The following GRIN2A variants were observed in gnomAD, a reference collection of about 807,000 sequenced individuals.
The protein encoded by GRIN2A is glutamate receptor ionotropic, NMDA 2A.
Under a neutral mutation model 113.4 loss-of-function variants are expected in GRIN2A, and 22 were observed. The observed-to-expected ratio is 0.19, with a 90% CI of 0.14 to 0.28. GRIN2A has a LOEUF of 0.28. Ranked by LOEUF, GRIN2A falls within the 10% of genes least tolerant of loss-of-function variation. The pLI, the probability that GRIN2A is intolerant of heterozygous loss-of-function variation, is 1.00. For synonymous variants in GRIN2A, 827 were observed against 738.4 expected, an observed-to-expected ratio of 1.12 and a Z score of -1.94; for missense variants, 1,502 against 1,887.0, an observed-to-expected ratio of 0.80 and a Z score of 3.78.
intron 2 of GRIN2A, chr16:10,179,598 A>G (rs892988260): frequency 4.5e-6 from 1 of 220,578 alleles, no homozygotes; most frequent in African/African-American, 2.3e-5. Context: ...CCACAAAACA[A>G]TCAGGTAAAA....
intron 8 of GRIN2A, among the ~76,000 whole-genome samples, chr16:9,832,956 T>C (rs544207584): frequency 6.6e-6 from 1 of 152,332 alleles, no homozygotes; most frequent in South Asian, 2.1e-4. Context: ...GTATTTCCAA[T>C]ATTAAAACAT....
At chr16:9,936,454 G>C (rs764237114) in intron 3 of GRIN2A, among the ~76,000 whole-genome samples, 3 of 152,048 alleles carry the variant, frequency 2.0e-5, no homozygotes, top group Non-Finnish European at 4.4e-5. Context: ...TCTAACTCCA[G>C]AGTTGAGGCC....
At chr16:10,159,062 G>A (rs74006795) in intron 2 of GRIN2A, among the ~76,000 whole-genome samples, 2 of 152,208 alleles carry the variant, frequency 1.3e-5, no homozygotes, top group East Asian at 3.9e-4. Flanking sequence ...TCAGGGCCCA[G>A]CTCTGTTACC....
intron 2 of GRIN2A, among the ~76,000 whole-genome samples, chr16:10,042,825 T>C (rs72772360): frequency 0.091 from 13,895 of 152,128 alleles, 725 homozygotes; most frequent in Non-Finnish European, 0.11. Context: ...TCTGCCACAT[T>C]TGTGTCTGTA....
chr16:9,955,808 G>A (rs557692020), intron 2 of GRIN2A, among the ~76,000 whole-genome samples: 1 of 152,154 alleles, frequency 6.6e-6, no homozygotes, highest in Non-Finnish European at 1.5e-5. Flanking sequence ...AGGCGAATGA[G>A]CTCCCTGTGT....
intron 2 of GRIN2A, among the ~76,000 whole-genome samples, chr16:10,121,974 G>GA (rs1442749712): frequency 1.3e-5 from 2 of 152,134 alleles, no homozygotes; most frequent in East Asian, 3.9e-4. Context: ...TAAAATAAAG[G>GA]AAAAGATTGC....
chr16:9,945,790 T>G (rs1418445857), intron 2 of GRIN2A, among the ~76,000 whole-genome samples: 4 of 152,166 alleles, frequency 2.6e-5, no homozygotes, highest in African/African-American at 7.2e-5. Flanking sequence ...CTTTCAGGCT[T>G]TCCCATAACA....
At chr16:10,059,941 G>A (rs1028553015) in intron 2 of GRIN2A, among the ~76,000 whole-genome samples, 2 of 151,818 alleles carry the variant, frequency 1.3e-5, no homozygotes, top group Non-Finnish European at 2.9e-5. Flanking sequence ...AAGGAAAAGA[G>A]GAAGCCATTA....
At chr16:10,061,635 ATAT>A (rs969821155) in intron 2 of GRIN2A, among the ~76,000 whole-genome samples, 1 of 152,180 alleles carries the variant, frequency 6.6e-6, no homozygotes, top group African/African-American at 2.4e-5. Flanking sequence ...AGGTGGTGTG[ATAT>A]TATATATGTC....
chr16:10,059,905 T>C (rs73508649), intron 2 of GRIN2A, among the ~76,000 whole-genome samples: 4,618 of 152,032 alleles, frequency 0.03, 249 homozygotes, highest in African/African-American at 0.11. Context: ...ATTGGTTACA[T>C]AGGAGCCACT....
At chr16:9,955,111 C>G (rs907754958) in intron 2 of GRIN2A, among the ~76,000 whole-genome samples, 1 of 152,214 alleles carries the variant, frequency 6.6e-6, no homozygotes, top group Admixed American at 6.5e-5. Flanking sequence ...GGGTTTCACT[C>G]TCTCAACAGC....
chr16:9,851,358 G>A (rs917304827), intron 4 of GRIN2A, among the ~76,000 whole-genome samples: 1 of 152,162 alleles, frequency 6.6e-6, no homozygotes, highest in Non-Finnish European at 1.5e-5. Context: ...TTCACGCTAT[G>A]ATATGTAACA....
At chr16:9,967,678 C>G (rs1247609042) in intron 2 of GRIN2A, among the ~76,000 whole-genome samples, 1 of 152,020 alleles carries the variant, frequency 6.6e-6, no homozygotes, top group Non-Finnish European at 1.5e-5. Flanking sequence ...TGCACTGCAT[C>G]CTGGGCGACA....
Position 9,764,444 on chromosome 16 carries a change from T to C in GRIN2A, c.3100A>G (p.Arg1034Gly). 1.2e-6 allele frequency: 2 copies of C among 1,614,084 alleles called. No homozygotes were observed. The highest frequency in any genetic ancestry group is 1.7e-6 in the Non-Finnish European group (2 of 1,179,982). The change falls in exon 13 of 13, where the codon AGG becomes GGG. Residue 1034 changes from arginine (R) to glycine (G), a missense_variant. Transcript: ENST00000330684. ...DSLSQNPVSQRDEATAENRTH... is the reference protein window; with the variant it reads ...DSLSQNPVSQGDEATAENRTH... ...CTATTCTCTGCTGTTGCCTCATCCC[T>C]CTGGGAGACTGGATTCTGGGATAGT... is the stretch of plus-strand genomic sequence containing the variant.
At chr16:9,794,230 G>A (rs545913440) in intron 11 of GRIN2A, among the ~76,000 whole-genome samples, 75 of 152,316 alleles carry the variant, frequency 4.9e-4, no homozygotes, top group African/African-American at 1.7e-3. Flanking sequence ...ATGCATGGCA[G>A]GCTTCATGTA....
At chr16:9,941,591 T>A (rs1452605514) in intron 2 of GRIN2A, among the ~76,000 whole-genome samples, 1 of 152,142 alleles carries the variant, frequency 6.6e-6, no homozygotes, top group Admixed American at 6.5e-5. Flanking sequence ...ATTCGCAGCC[T>A]CTCTGCAGAA....
intron 10 of GRIN2A, among the ~76,000 whole-genome samples, chr16:9,814,649 A>G (rs1200741393): frequency 1.3e-5 from 2 of 152,136 alleles, no homozygotes; most frequent in Admixed American, 6.5e-5. Context: ...ACAGAACTCC[A>G]TTTCTCAATA....
intron 2 of GRIN2A, among the ~76,000 whole-genome samples, chr16:10,038,883 A>C (rs1247842216): frequency 2.0e-5 from 3 of 151,918 alleles, no homozygotes; most frequent in Non-Finnish European, 2.9e-5. Context: ...AACAAAAAAA[A>C]CAAAAACCCA....
intron 2 of GRIN2A, among the ~76,000 whole-genome samples, chr16:9,983,275 T>G (rs963240987): frequency 9.2e-5 from 14 of 152,200 alleles, no homozygotes; most frequent in Admixed American, 7.9e-4. Flanking sequence ...TCCTGGCCTC[T>G]AGTAACCACT....
Sources: allele counts gnomAD v4.1 joint callset (sites outside exome capture counted in the v4.1 genomes callset), GRCh38; gene constraint gnomAD v4.1.1; transcripts MANE v1.5; gene names NCBI Gene and HGNC (gene_info 2026-07-23, HGNC 2026-07-21).